TRHDE: variants seen among roughly 807,000 people sequenced by gnomAD.
TRHDE encodes thyrotropin releasing hormone degrading enzyme.
A neutral mutation model predicts 125.7 loss-of-function variants in TRHDE; 72 were observed. The observed-to-expected ratio is 0.57, with a 90% CI of 0.47 to 0.70. The LOEUF (loss-of-function observed/expected upper bound fraction) is 0.70, where lower values mean the gene tolerates loss of function less well. TRHDE is among the 30% of genes least tolerant of loss of function. TRHDE has a pLI of 0.00. For synonymous variants in TRHDE, 509 were observed against 509.1 expected, an observed-to-expected ratio of 1.00 and a Z score of 0.00; for missense variants, 1,110 against 1,327.1, an observed-to-expected ratio of 0.84 and a Z score of 2.54.
intron 2 of TRHDE, among the ~76,000 whole-genome samples, chr12:72,312,543 C>T (rs1389442291): frequency 2.0e-5 from 3 of 152,092 alleles, no homozygotes; most frequent in Admixed American, 6.6e-5. Context: ...AATGATACTT[C>T]GGTTATTATG....
chr12:72,330,110 A>G (rs1869518779), intron 2 of TRHDE, among the ~76,000 whole-genome samples: 1 of 152,184 alleles, frequency 6.6e-6, no homozygotes, highest in Non-Finnish European at 1.5e-5. Flanking sequence ...TTGCTTGCTA[A>G]CTTAAAGATA....
At chr12:72,299,752 T>C (rs1880435133) in intron 2 of TRHDE, among the ~76,000 whole-genome samples, 1 of 152,160 alleles carries the variant, frequency 6.6e-6, no homozygotes, top group Admixed American at 6.6e-5. Context: ...TCATCTTAAA[T>C]GATTTTGTTT....
intron 2 of TRHDE, among the ~76,000 whole-genome samples, chr12:72,322,143 A>T (rs148072718): frequency 1.3e-5 from 2 of 152,282 alleles, no homozygotes; most frequent in East Asian, 3.9e-4. Context: ...ACTCAAAGAC[A>T]TGAACAGAAT....
chr12:72,570,578 CAAAAAAAAAAA>C (rs572094533), intron 10 of TRHDE, among the ~76,000 whole-genome samples: 6 of 58,454 alleles, frequency 1.0e-4, no homozygotes, highest in East Asian at 3.2e-4. Flanking sequence ...GAGACTGTCT[CAAAAAAAAAAA>C]AAAAAAAAAA....
intron 3 of TRHDE, among the ~76,000 whole-genome samples, chr12:72,388,297 A>G (rs1592409679): frequency 6.6e-6 from 1 of 151,934 alleles, no homozygotes; most frequent in South Asian, 2.1e-4. Flanking sequence ...ACTTTTCTCC[A>G]TGGTATTTTT....
At position 72,121,855 on chromosome 12, in the gene TRHDE, A is replaced by G. The variant is rs535962674; in HGVS notation, n.279+16103A>G. On this transcript the variant is annotated intron_variant and non_coding_transcript_variant, in intron 2 of 4. Transcript: ENST00000548156. ...TGAGAGAAATTTAACTGAGATTTGGAAGGTGGAAGTGTAGCAGTAGCCAGA... is the reference window on the plus strand; with the variant it reads ...TGAGAGAAATTTAACTGAGATTTGGGAGGTGGAAGTGTAGCAGTAGCCAGA... 1.4e-3 allele frequency among the ~76,000 whole-genome samples: 208 copies of G among 150,716 alleles called. 2 individuals are homozygous for G. Among genetic ancestry groups the G allele is most frequent in the African/African-American group, 4.6e-3 (190 of 40,944 alleles).
At chr12:72,532,366 G>A (rs1868599720) in intron 6 of TRHDE, among the ~76,000 whole-genome samples, 1 of 151,056 alleles carries the variant, frequency 6.6e-6, no homozygotes, top group Non-Finnish European at 1.5e-5. Flanking sequence ...TTAGATTTCT[G>A]TGAGAACTTT....
chr12:72,523,902 G>A (rs1868289818), intron 6 of TRHDE, among the ~76,000 whole-genome samples: 1 of 152,148 alleles, frequency 6.6e-6, no homozygotes, highest in African/African-American at 2.4e-5. Context: ...ATACATCTGT[G>A]CTTTGCCACT....
chr12:72,213,664 T>G (rs771266466), intron 2 of TRHDE, among the ~76,000 whole-genome samples: 39 of 152,176 alleles, frequency 2.6e-4, no homozygotes, highest in Non-Finnish European at 4.9e-4. Flanking sequence ...CTTATCTAAC[T>G]TATATGCCTG....
chr12:72,474,004 G>A (rs190709683), intron 5 of TRHDE, among the ~76,000 whole-genome samples: 1 of 151,848 alleles, frequency 6.6e-6, no homozygotes, highest in African/African-American at 2.4e-5. Context: ...AGGCGATTAT[G>A]TATATATATA....
At chr12:72,092,936 C>A (rs896527746) in intron 1 of TRHDE, among the ~76,000 whole-genome samples, 1 of 152,180 alleles carries the variant, frequency 6.6e-6, no homozygotes, top group African/African-American at 2.4e-5. Flanking sequence ...CTCCCCAAGG[C>A]TTCCTTGAAG....
In TRHDE at chr12:72,413,622, T is replaced by C. The variant is rs185377532; in HGVS notation, c.1315+35501T>C. Among the ~76,000 whole-genome samples, 4 of 152,066 alleles carry C rather than the reference T, an allele frequency of 2.6e-5. No individual in the cohort carries two copies. In the East Asian group the frequency reaches 7.7e-4, roughly 29 times the overall value. On this transcript the variant is annotated intron_variant, in intron 3 of 18. Coordinates refer to ENST00000261180, the MANE Select transcript of TRHDE (RefSeq NM_013381.3). ...AAGATAATGTCAATCGAGCCTATTT[T>C]ATAGATAAAAACGAGTCCCAAATAT...
At chr12:72,096,274 C>T (rs1277884322) in intron 1 of TRHDE, among the ~76,000 whole-genome samples, 1 of 152,068 alleles carries the variant, frequency 6.6e-6, no homozygotes, top group Non-Finnish European at 1.5e-5. Flanking sequence ...CCCAGAACAT[C>T]TTGTCTGATA....
At chr12:72,622,950 T>C (rs74105938) in intron 15 of TRHDE, among the ~76,000 whole-genome samples, 3,652 of 152,118 alleles carry the variant, frequency 0.024, 151 homozygotes, top group African/African-American at 0.084. Flanking sequence ...TATCATATAT[T>C]TGAAGACAGT....
intron 2 of TRHDE, among the ~76,000 whole-genome samples, chr12:72,107,427 C>A (rs552872524): frequency 6.6e-6 from 1 of 152,170 alleles, no homozygotes; most frequent in African/African-American, 2.4e-5. Context: ...TAAATATATG[C>A]TAAAATATTT....
intron 2 of TRHDE, among the ~76,000 whole-genome samples, chr12:72,293,580 C>G (rs1160194727): frequency 6.6e-6 from 1 of 152,158 alleles, no homozygotes; most frequent in Non-Finnish European, 1.5e-5. Context: ...GTTTTGCATA[C>G]TAATGTGAAG....
At chr12:72,629,258 G>A (rs1873379888) in intron 15 of TRHDE, among the ~76,000 whole-genome samples, 1 of 151,262 alleles carries the variant, frequency 6.6e-6, no homozygotes, top group Admixed American at 6.6e-5. Context: ...TATATTACTA[G>A]CCATGCATAG....
At chr12:72,662,578 CA>C (rs1394771974) in intron 18 of TRHDE, among the ~76,000 whole-genome samples, 1 of 152,044 alleles carries the variant, frequency 6.6e-6, no homozygotes, top group African/African-American at 2.4e-5. Context: ...ATGTCAAGCC[CA>C]ATACCACTCA....
chr12:72,228,193 T>C (rs890836511), intron 2 of TRHDE, among the ~76,000 whole-genome samples: 3 of 152,230 alleles, frequency 2.0e-5, no homozygotes, highest in African/African-American at 7.2e-5. Flanking sequence ...AGGTTCTCCA[T>C]GAGGGCTCTG....
Sources: gnomAD v4.1 joint callset for allele counts (sites outside exome capture counted in the v4.1 genomes callset) on GRCh38, gnomAD v4.1.1 for gene constraint, MANE v1.5 for transcripts, NCBI Gene and HGNC (gene_info 2026-07-23, HGNC 2026-07-21) for gene names.